The following CD96 variants were observed in gnomAD, a reference collection of about 807,000 sequenced individuals.
The protein encoded by CD96 is T-cell surface protein tactile.
A neutral mutation model predicts 71.3 loss-of-function variants in CD96; 70 were observed. That is an observed-to-expected ratio of 0.98 (90% CI 0.81 to 1.20). The LOEUF (loss-of-function observed/expected upper bound fraction) is 1.20, where lower values mean the gene tolerates loss of function less well. Among genes scored for constraint, CD96 ranks in the 50% most tolerant of loss-of-function variants. The probability of loss-of-function intolerance (pLI) is 0.00; values close to 1 mark genes in which losing one functional copy is unlikely to be tolerated. For missense variants in CD96, 742 were observed against 677.5 expected, an observed-to-expected ratio of 1.10 and a Z score of -1.06; for synonymous variants, 248 against 233.0, an observed-to-expected ratio of 1.06 and a Z score of -0.59.
rs957830259 is a variant in CD96, at chr3:111,650,063, A to T, written c.*257A>T. 4.2e-6 allele frequency: 2 copies of T among 480,092 alleles called. No individual in the cohort carries two copies. The highest frequency in any genetic ancestry group is 7.7e-6 in the Non-Finnish European group (2 of 261,278). The allele number at this position is 480,092 out of a possible 1,614,324, so 29.7% of individuals were successfully genotyped here. A position where few individuals can be genotyped will look rare whatever the true frequency, so the allele number is the denominator to read the frequency against. ...TGGTTTTCTTGCTTATGTAAGAAGT[A>T]CATATTAGTCTGCCATCTTTAAAAA... On this transcript the variant is annotated 3_prime_UTR_variant, in exon 14 of 14. Transcript: ENST00000352690.
intron 12 of CD96, among the ~76,000 whole-genome samples, chr3:111,644,010 A>T (rs932500237): frequency 1.3e-5 from 2 of 152,190 alleles, no homozygotes; most frequent in African/African-American, 4.8e-5. Flanking sequence ...TGGAACCAAA[A>T]AAGAGCCCAC....
At chr3:111,575,348 T>C (rs1337737174) in intron 3 of CD96, among the ~76,000 whole-genome samples, 1 of 152,212 alleles carries the variant, frequency 6.6e-6, no homozygotes, top group African/African-American at 2.4e-5. Flanking sequence ...TAATACAACA[T>C]TTTTAAAAAT....
At chr3:111,562,844 T>C (rs1161459305) in intron 2 of CD96, among the ~76,000 whole-genome samples, 2 of 152,238 alleles carry the variant, frequency 1.3e-5, no homozygotes, top group African/African-American at 4.8e-5. Flanking sequence ...ATTCCATGAC[T>C]CTAGTTTCCA....
At chr3:111,657,000 T>C (rs1485565812), downstream of CD96, among the ~76,000 whole-genome samples, 3 of 151,162 alleles carry the variant, frequency 2.0e-5, no homozygotes, top group Admixed American at 1.3e-4. Context: ...ATAATAAAAT[T>C]AAATAAATAA....
At chr3:111,594,111 T>C in intron 5 of CD96, 1 of 1,614,162 alleles carries the variant, frequency 6.2e-7, no homozygotes, top group South Asian at 1.1e-5. Flanking sequence ...AGTTCTCCTG[T>C]CTCACTAATC....
chr3:111,581,884 C>T (rs993724799), intron 4 of CD96, among the ~76,000 whole-genome samples: 1 of 152,168 alleles, frequency 6.6e-6, no homozygotes, highest in African/African-American at 2.4e-5. Context: ...ATTTGAAAGG[C>T]CATCCTGGGA....
chr3:111,628,710 G>T (rs115255297), intron 10 of CD96, among the ~76,000 whole-genome samples: 1 of 152,004 alleles, frequency 6.6e-6, no homozygotes, highest in Non-Finnish European at 1.5e-5. Flanking sequence ...ACACATAATC[G>T]TCAGATTCTC....
chr3:111,551,233 C>T (rs1300096599), intron 2 of CD96, among the ~76,000 whole-genome samples: 2 of 151,904 alleles, frequency 1.3e-5, no homozygotes, highest in Non-Finnish European at 2.9e-5. Context: ...TAACAAGATC[C>T]AAGATGTGAT....
chr3:111,564,791 C>T (rs1935626840), intron 2 of CD96, among the ~76,000 whole-genome samples: 1 of 152,128 alleles, frequency 6.6e-6, no homozygotes. Context: ...AGGAGTGGGC[C>T]AGCCTAGCTT....
At chr3:111,594,146 T>G in intron 5 of CD96, 1 of 1,612,966 alleles carries the variant, frequency 6.2e-7, no homozygotes, top group South Asian at 1.1e-5. Context: ...CATCTCTAAG[T>G]CCCCTTTTGC....
downstream of CD96, among the ~76,000 whole-genome samples, chr3:111,652,975 G>A (rs764305914): frequency 6.6e-6 from 1 of 151,704 alleles, no homozygotes; most frequent in Non-Finnish European, 1.5e-5. Flanking sequence ...ACGCATGTTT[G>A]TCACTCATTT....
intron 5 of CD96, among the ~76,000 whole-genome samples, chr3:111,596,781 T>C (rs1937279833): frequency 2.0e-5 from 3 of 152,234 alleles, no homozygotes; most frequent in Non-Finnish European, 2.9e-5. Context: ...GGTTTTGCTT[T>C]TAATTTTTTA....
At chr3:111,620,272 G>A (rs549347401) in intron 8 of CD96, among the ~76,000 whole-genome samples, 2 of 152,314 alleles carry the variant, frequency 1.3e-5, no homozygotes, top group South Asian at 4.1e-4. Flanking sequence ...TTAAACTCCA[G>A]GAGAGCAGTA....
intron 5 of CD96, among the ~76,000 whole-genome samples, chr3:111,588,560 GT>G (rs1281775096): frequency 6.6e-6 from 1 of 152,056 alleles, no homozygotes; most frequent in African/African-American, 2.4e-5. Context: ...TTTTTCAGCA[GT>G]GCCCACTCTT....
chr3:111,630,401 A>T (rs566237338), intron 10 of CD96, among the ~76,000 whole-genome samples: 1 of 152,338 alleles, frequency 6.6e-6, no homozygotes, highest in Non-Finnish European at 1.5e-5. Context: ...TAAACTAAAA[A>T]ATCTAGAAGA....
At chr3:111,560,979 C>T (rs930690302) in intron 2 of CD96, among the ~76,000 whole-genome samples, 11 of 141,498 alleles carry the variant, frequency 7.8e-5, no homozygotes, top group Non-Finnish European at 1.4e-4. Context: ...TTGCTGATAC[C>T]CTTTCTTCCA....
At chr3:111,627,176 C>G (rs1375797888) in intron 10 of CD96, among the ~76,000 whole-genome samples, 1 of 152,246 alleles carries the variant, frequency 6.6e-6, no homozygotes, top group African/African-American at 2.4e-5. Context: ...CAGGACCTCA[C>G]AGCTGGGGCC....
intron 8 of CD96, among the ~76,000 whole-genome samples, chr3:111,608,347 A>G (rs1030254795): frequency 2.6e-5 from 4 of 152,212 alleles, no homozygotes; most frequent in East Asian, 1.9e-4. Flanking sequence ...GCTTTATTTT[A>G]TCTACTAGAA....
rs561284005 is a variant in CD96, at chr3:111,567,380, G to A, written c.419-143G>A. The A allele has an allele frequency of 4.2e-5, 28 of 668,070 alleles. No individual in the cohort carries two copies. In the East Asian group the frequency reaches 4.9e-4, roughly 12 times the overall value. 41.4% of individuals were successfully genotyped at this position (668,070 alleles called of 1,614,324 possible). On this transcript the variant is annotated intron_variant, in intron 2 of 13. Transcript: ENST00000352690. ...AGCCACTTATACAATGAGGGCTATC[G>A]TGGGAGTTTGCCTCTCTTTTTCATA...
Sources: allele counts gnomAD v4.1 joint callset (sites outside exome capture counted in the v4.1 genomes callset), GRCh38; gene constraint gnomAD v4.1.1; transcripts MANE v1.5; gene names NCBI Gene and HGNC (gene_info 2026-07-23, HGNC 2026-07-21).